Variants in SGCD observed in about 807,000 individuals in gnomAD.
The protein encoded by SGCD is delta-sarcoglycan.
SGCD carries 18 observed loss-of-function variants against 36.6 expected under a neutral mutation model. That is an observed-to-expected ratio of 0.49 (90% CI 0.34 to 0.73). The LOEUF is 0.73. SGCD is among the 30% of genes least tolerant of loss of function. The pLI is 0.01. For missense variants in SGCD, 387 were observed against 346.7 expected (o/e 1.12, Z -0.92); for synonymous variants, 133 against 130.6 (o/e 1.02, Z -0.12).
upstream of SGCD, among the ~76,000 whole-genome samples, chr5:156,322,222 G>T (rs1162304171): frequency 6.6e-6 from 1 of 152,220 alleles, no homozygotes; most frequent in Non-Finnish European, 1.5e-5. Context: ...TACATCTTAT[G>T]AGACAAGTTG....
At position 156,663,055 on chromosome 5, in the gene SGCD, C is replaced by A. The variant is rs917761000; in HGVS notation, c.575+15519C>A. ...TGCCATCTTCATTTTTCCCTAGTCCCTTTCCTGGTATATATCCCATCTTGG... is the reference window on the plus strand; with the variant it reads ...TGCCATCTTCATTTTTCCCTAGTCCATTTCCTGGTATATATCCCATCTTGG... On this transcript the variant is annotated intron_variant, in intron 7 of 8. Coordinates refer to ENST00000337851, the MANE Select transcript of SGCD (RefSeq NM_000337.6). Among the ~76,000 whole-genome samples, 10 of 150,630 alleles carry A rather than the reference C, an allele frequency of 6.6e-5. No homozygotes were observed. The East Asian group carries it at 1.7e-3, about 26-fold the overall frequency.
At chr5:156,446,918 A>T (rs904202977) in intron 3 of SGCD, among the ~76,000 whole-genome samples, 8 of 152,170 alleles carry the variant, frequency 5.3e-5, no homozygotes, top group Non-Finnish European at 8.8e-5. Context: ...GCTCGGATAC[A>T]TTATGCAAAT....
chr5:156,002,969 A>G (rs73302929), intron 1 of SGCD, among the ~76,000 whole-genome samples: 2,185 of 152,324 alleles, frequency 0.014, 46 homozygotes, highest in African/African-American at 0.049. Context: ...GCTTAAAGCC[A>G]TTCCTATTGC....
At chr5:156,479,027 T>C (rs893859486) in intron 3 of SGCD, among the ~76,000 whole-genome samples, 1 of 152,218 alleles carries the variant, frequency 6.6e-6, no homozygotes, top group Non-Finnish European at 1.5e-5. Flanking sequence ...AGGGGATATA[T>C]GTATACATAC....
the SGCD span, among the ~76,000 whole-genome samples, chr5:155,765,963 A>G: frequency 6.6e-6 from 1 of 152,006 alleles, no homozygotes; most frequent in Non-Finnish European, 1.5e-5. Flanking sequence ...TCAGAAGTGT[A>G]TGAGTCCTAG....
At chr5:156,261,992 G>A (rs1765880501) in intron 3 of SGCD, among the ~76,000 whole-genome samples, 1 of 152,094 alleles carries the variant, frequency 6.6e-6, no homozygotes, top group South Asian at 2.1e-4. Context: ...TTAAGAAGGA[G>A]TAAAAAAGTT....
chr5:156,042,121 T>C (rs757214332), intron 1 of SGCD, among the ~76,000 whole-genome samples: 1 of 152,262 alleles, frequency 6.6e-6, no homozygotes, highest in Admixed American at 6.5e-5. Context: ...ACAAGTAGAC[T>C]GTTTCCTCCA....
At chr5:155,963,716 A>G (rs115760401) in intron 1 of SGCD, among the ~76,000 whole-genome samples, 1,695 of 152,236 alleles carry the variant, frequency 0.011, 30 homozygotes, top group African/African-American at 0.039. Context: ...CATTACTTCA[A>G]AGAACCCCAG....
intron 1 of SGCD, among the ~76,000 whole-genome samples, chr5:155,993,440 G>T (rs1758476852): frequency 6.6e-6 from 1 of 150,910 alleles, no homozygotes; most frequent in African/African-American, 2.4e-5. Context: ...TGCCTCCTGG[G>T]CTCAAGCATT....
intron 7 of SGCD, among the ~76,000 whole-genome samples, chr5:156,696,214 AAC>A (rs1561862379): frequency 6.6e-6 from 1 of 152,198 alleles, no homozygotes; most frequent in Non-Finnish European, 1.5e-5. Context: ...CTTAGTTTCC[AAC>A]TGTGAAGCTA....
In SGCD at chr5:156,761,318, C is replaced by T. The variant is rs571946152; in HGVS notation, c.*1928C>T. ...TGGCGTCCAGACCCCAGACTCACTC[C>T]AAGCACTCTTGTTCAATATCTCATG... On this transcript the variant is annotated 3_prime_UTR_variant, in exon 9 of 9. Transcript: ENST00000337851. 3.3e-5 allele frequency: 5 copies of T among 152,374 alleles called. No homozygotes were observed. The highest frequency in any genetic ancestry group is 1.2e-4 in the African/African-American group (5 of 41,558). 9.4% of individuals were successfully genotyped at this position (152,374 alleles called of 1,614,324 possible).
At chr5:156,314,278 CT>C (rs1561614862) in intron 3 of SGCD, among the ~76,000 whole-genome samples, 1 of 152,010 alleles carries the variant, frequency 6.6e-6, no homozygotes, top group Non-Finnish European at 1.5e-5. Context: ...TCTTGTGAAA[CT>C]TAGTCTATAA....
intron 7 of SGCD, among the ~76,000 whole-genome samples, chr5:156,650,353 A>G (rs573144298): frequency 6.6e-6 from 1 of 152,112 alleles, no homozygotes; most frequent in African/African-American, 2.4e-5. Context: ...TTCAACTTTC[A>G]TTTTAGATTC....
At chr5:155,856,307 T>C in the SGCD span, among the ~76,000 whole-genome samples, 1 of 151,746 alleles carries the variant, frequency 6.6e-6, no homozygotes, top group Non-Finnish European at 1.5e-5. Flanking sequence ...ACCCAAAAAA[T>C]GCAGAAAAAG....
chr5:156,423,966 A>AT (rs1247371627), intron 3 of SGCD, among the ~76,000 whole-genome samples: 1 of 151,908 alleles, frequency 6.6e-6, no homozygotes, highest in East Asian at 1.9e-4. Flanking sequence ...GGTGAAGTTG[A>AT]TTTTTTTGGA....
At chr5:156,512,931 T>C (rs1757006852) in intron 4 of SGCD, among the ~76,000 whole-genome samples, 1 of 152,210 alleles carries the variant, frequency 6.6e-6, no homozygotes, top group South Asian at 2.1e-4. Context: ...GTACGATTTT[T>C]TTTTTTTCCT....
At chr5:155,890,395 G>A (rs893307667) in intron 1 of SGCD, among the ~76,000 whole-genome samples, 18 of 152,210 alleles carry the variant, frequency 1.2e-4, no homozygotes, top group Non-Finnish European at 2.5e-4. Flanking sequence ...AGACTGAGGT[G>A]GGCAGGATCA....
At chr5:156,495,928 A>G (rs1358747210) in intron 3 of SGCD, among the ~76,000 whole-genome samples, 1 of 152,186 alleles carries the variant, frequency 6.6e-6, no homozygotes, top group Admixed American at 6.5e-5. Context: ...GTTTCAGAAC[A>G]ATGTGCTGGC....
chr5:156,578,819 G>A (rs1484321224), intron 4 of SGCD, among the ~76,000 whole-genome samples: 2 of 152,092 alleles, frequency 1.3e-5, no homozygotes. Flanking sequence ...TTCTGTATTA[G>A]TCTTGCTAGT....
Sources: allele counts gnomAD v4.1 joint callset (sites outside exome capture counted in the v4.1 genomes callset), GRCh38; gene constraint gnomAD v4.1.1; transcripts MANE v1.5; gene names NCBI Gene and HGNC (gene_info 2026-07-23, HGNC 2026-07-21).